The following MPRIP variants were observed in gnomAD, a reference collection of about 807,000 sequenced individuals.
The protein encoded by MPRIP is myosin phosphatase Rho interacting protein, also known as myosin phosphatase Rho-interacting protein.
Under a neutral mutation model 234.9 loss-of-function variants are expected in MPRIP, and 59 were observed. That is an observed-to-expected ratio of 0.25 (90% CI 0.20 to 0.31). The LOEUF (loss-of-function observed/expected upper bound fraction) is 0.31. Among genes scored for constraint, MPRIP ranks in the 10% least tolerant of loss-of-function variants. The pLI, the probability that MPRIP is intolerant of heterozygous loss-of-function variation, is 1.00. For missense variants in MPRIP, 2,436 were observed against 3,071.0 expected (o/e 0.79, Z 4.89); for synonymous variants, 1,144 against 1,263.9 (o/e 0.91, Z 2.01).
intron 3 of MPRIP, among the ~76,000 whole-genome samples, chr17:17,094,514 T>C (rs986322267): frequency 6.6e-6 from 1 of 152,172 alleles, no homozygotes; most frequent in African/African-American, 2.4e-5. Context: ...GGCTTGTGTA[T>C]ATTTCAGTGT....
At chr17:17,139,365 A>G (rs977716312) in intron 7 of MPRIP, among the ~76,000 whole-genome samples, 1 of 152,214 alleles carries the variant, frequency 6.6e-6, no homozygotes, top group African/African-American at 2.4e-5. Flanking sequence ...GTCCATGATG[A>G]CCTGCCCCCT....
At position 17,180,005 on chromosome 17, in the gene MPRIP, A is replaced by G. The variant is rs2046338875; in HGVS notation, c.7123A>G (p.Ile2375Val). Residue 2375 changes from isoleucine (I) to valine (V), a missense_variant and splice_region_variant, in exon 23 of 24, where the codon ATA (isoleucine) becomes GTA (valine). Transcript: ENST00000651222. ...PDSATVSGYDIMKSKSNPDFL... is the reference protein window; with the variant it reads ...PDSATVSGYDVMKSKSNPDFL... ...TTTGTTTTCATTATATACCGCAGATATAATGAAATCTAAAAGCAACCCTGA... is the reference window on the plus strand; with the variant it reads ...TTTGTTTTCATTATATACCGCAGATGTAATGAAATCTAAAAGCAACCCTGA... 6.3e-7 allele frequency: 1 copy of G among 1,594,924 alleles called. No homozygotes were observed. Among genetic ancestry groups the G allele is most frequent in the South Asian group, 1.1e-5 (1 of 87,042 alleles).
chr17:17,048,302 G>A (rs1391642702), intron 1 of MPRIP, among the ~76,000 whole-genome samples: 2 of 152,100 alleles, frequency 1.3e-5, no homozygotes, highest in Admixed American at 6.6e-5. Context: ...CCAAAGCTGC[G>A]GGGGCCTCAG....
rs188725142 is a variant in MPRIP at position 17,118,744 on chromosome 17, T to C, written c.268-7958T>C. Among the ~76,000 whole-genome samples the C allele has an allele frequency of 7.2e-5, 11 of 152,312 alleles. No individual in the cohort carries two copies. In the East Asian group the frequency reaches 2.1e-3, roughly 29 times the overall value. On this transcript the variant is annotated intron_variant, in intron 3 of 23. Transcript: ENST00000651222. The stretch of plus-strand genomic sequence containing the variant: ...CACAGAGGCCAGGCAGAGGCTTTGC[T>C]TACTCTGGGCCTGCATGGGATCATG...
At chr17:17,052,792 G>C (rs1208182664) in intron 1 of MPRIP, among the ~76,000 whole-genome samples, 1 of 152,194 alleles carries the variant, frequency 6.6e-6, no homozygotes, top group Non-Finnish European at 1.5e-5. Context: ...GCACAGCTCT[G>C]AACAGGAAGC....
At chr17:17,163,988 T>C in intron 15 of MPRIP, 121 bp from the exon 16 acceptor site, 3 of 575,018 alleles carry the variant, frequency 5.2e-6, no homozygotes, top group Non-Finnish European at 7.9e-6. Context: ...AATAAAGTTG[T>C]ACAAAGGATA....
At chr17:17,108,109 C>A (rs1462001934) in intron 3 of MPRIP, among the ~76,000 whole-genome samples, 1 of 152,236 alleles carries the variant, frequency 6.6e-6, no homozygotes. Context: ...TGCCTTGTCC[C>A]TCAGGCTGCC....
At chr17:17,085,649 C>T (rs1445187919) in intron 3 of MPRIP, among the ~76,000 whole-genome samples, 1 of 152,224 alleles carries the variant, frequency 6.6e-6, no homozygotes, top group African/African-American at 2.4e-5. Context: ...TGTGGTGGCT[C>T]ACGCCTGTAA....
At chr17:17,085,309 A>T (rs2089561375) in intron 3 of MPRIP, among the ~76,000 whole-genome samples, 1 of 152,124 alleles carries the variant, frequency 6.6e-6, no homozygotes, top group Admixed American at 6.5e-5. Context: ...TCAGAATCAG[A>T]TCATTTAAAA....
intron 1 of MPRIP, among the ~76,000 whole-genome samples, chr17:17,067,221 A>AT (rs578118054): frequency 3.2e-4 from 49 of 152,156 alleles, no homozygotes; most frequent in African/African-American, 1.0e-3. Context: ...TCAGCATATG[A>AT]TTTTTTTTCT....
In MPRIP at chr17:17,156,217, C is replaced by T. The variant is rs143227866; in HGVS notation, c.1829+1802C>T. On this transcript the variant is annotated intron_variant, in intron 13 of 23. Coordinates refer to ENST00000651222, the MANE Select transcript of MPRIP (RefSeq NM_001364716.4). ...CTGTGCACATGCCTGTGCCTGCACA[C>T]AGCTCAGGAGAGGCGCCTCCACGCT... Among the ~76,000 whole-genome samples, 1,086 of 152,366 alleles carry T rather than the reference C, an allele frequency of 7.1e-3. 15 individuals are homozygous for T. The highest frequency in any genetic ancestry group is 0.028 in the Admixed American group (432 of 15,312).
intron 1 of MPRIP, among the ~76,000 whole-genome samples, chr17:17,049,350 T>C (rs1360802764): frequency 2.0e-5 from 3 of 152,200 alleles, no homozygotes; most frequent in African/African-American, 4.8e-5. Flanking sequence ...ATGGGACTTA[T>C]GGTGGGGGTA....
At chr17:17,137,208 C>T (rs899134130) in intron 6 of MPRIP, among the ~76,000 whole-genome samples, 3 of 152,108 alleles carry the variant, frequency 2.0e-5, no homozygotes, top group African/African-American at 4.8e-5. Flanking sequence ...TTCCCACCAC[C>T]AGAATGCATT....
Position 17,136,277 on chromosome 17 carries a change from G to GCAT in MPRIP, c.565_566insTCA (p.Ser188_Ser189insIle). ...AGCAGCAGCAGCAGCAGCAGCAGCA[G>GCAT]CAGCATCCCCAGTGCTGAGAAAGTC... On this transcript the variant is annotated inframe_insertion, in exon 6 of 24. Transcript: ENST00000651222. 2 of 1,607,686 alleles carry GCAT rather than the reference G, an allele frequency of 1.2e-6. No homozygotes were observed. Among genetic ancestry groups the GCAT allele is most frequent in the Non-Finnish European group, 1.7e-6 (2 of 1,176,532 alleles).
intron 12 of MPRIP, among the ~76,000 whole-genome samples, chr17:17,151,009 CTTATTATTATTA>C (rs57859773): frequency 9.6e-5 from 14 of 145,350 alleles, no homozygotes; most frequent in South Asian, 2.3e-4. Flanking sequence ...CCATGCCCAG[CTTATTATTATTA>C]TTATTATTAT....
intron 10 of MPRIP, 113 bp from the exon 11 acceptor site, chr17:17,147,206 T>C: frequency 1.0e-6 from 1 of 999,654 alleles, no homozygotes; most frequent in Non-Finnish European, 1.6e-6. Context: ...TGTCCCCTGC[T>C]TTCCCTGTGC....
At chr17:17,132,974 G>A (rs2090627046) in intron 5 of MPRIP, among the ~76,000 whole-genome samples, 1 of 152,214 alleles carries the variant, frequency 6.6e-6, no homozygotes. Flanking sequence ...CCATGGTGAT[G>A]CCTTGGAAAC....
rs1370147478 is a variant in MPRIP at position 17,185,738 on chromosome 17, T to G, written c.*844T>G. On this transcript the variant is annotated 3_prime_UTR_variant, in exon 24 of 24. Transcript: ENST00000651222. ...AGGAATCATTCAAAATGGGGGAAGGTTTGGGGGTTTGGGTTTTTTTTTTAC... is the reference window on the plus strand; with the variant it reads ...AGGAATCATTCAAAATGGGGGAAGGGTTGGGGGTTTGGGTTTTTTTTTTAC... 1 of 345,028 alleles carries G rather than the reference T, an allele frequency of 2.9e-6. No individual in the cohort carries two copies. The highest frequency in any genetic ancestry group is 2.2e-5 in the African/African-American group (1 of 46,074). The allele number at this position is 345,028 out of a possible 1,614,324, so 21.4% of individuals were successfully genotyped here. A position where few individuals can be genotyped will look rare whatever the true frequency, so the allele number is the denominator to read the frequency against.
chr17:17,055,965 C>T (rs1338483830), intron 1 of MPRIP, among the ~76,000 whole-genome samples: 1 of 152,198 alleles, frequency 6.6e-6, no homozygotes, highest in African/African-American at 2.4e-5. Flanking sequence ...GTATAATATG[C>T]CTAGAGCAGC....
Sources: allele counts gnomAD v4.1 joint callset (sites outside exome capture counted in the v4.1 genomes callset), GRCh38; gene constraint gnomAD v4.1.1; transcripts MANE v1.5; gene names NCBI Gene and HGNC (gene_info 2026-07-23, HGNC 2026-07-21).